Variants in USP3 observed in about 807,000 individuals in gnomAD.
USP3 encodes ubiquitin carboxyl-terminal hydrolase 3.
A neutral mutation model predicts 72.3 loss-of-function variants in USP3; 20 were observed. That is an observed-to-expected ratio of 0.28 (90% CI 0.19 to 0.40). The LOEUF is 0.40. Among genes scored for constraint, USP3 ranks in the 10% least tolerant of loss-of-function variants. USP3 has a pLI of 1.00. For synonymous variants in USP3, 222 were observed against 225.3 expected (o/e 0.99, Z 0.13); for missense variants, 479 against 633.9 (o/e 0.76, Z 2.62).
At chr15:63,580,819 C>T (rs1350408287) in intron 11 of USP3, among the ~76,000 whole-genome samples, 1 of 151,744 alleles carries the variant, frequency 6.6e-6, no homozygotes, top group Non-Finnish European at 1.5e-5. Context: ...AGCTAGTAGA[C>T]TCTTTTTGAG....
chr15:63,587,069 T>C (rs190308632), intron 11 of USP3, among the ~76,000 whole-genome samples: 2 of 152,296 alleles, frequency 1.3e-5, no homozygotes, highest in African/African-American at 4.8e-5. Flanking sequence ...AGAGCGCTTT[T>C]CTGTACACAG....
At chr15:63,578,386 C>T (rs1280690639) in intron 11 of USP3, among the ~76,000 whole-genome samples, 2 of 151,350 alleles carry the variant, frequency 1.3e-5, no homozygotes, top group East Asian at 3.9e-4. Flanking sequence ...GGGTGGATCA[C>T]GAGGTCAGGA....
At chr15:63,561,164 CT>C (rs2152673452) in intron 7 of USP3, among the ~76,000 whole-genome samples, 1 of 152,092 alleles carries the variant, frequency 6.6e-6, no homozygotes, top group Admixed American at 6.5e-5. Flanking sequence ...TTCAAGGAGG[CT>C]TTGCACTCTA....
At chr15:63,508,632 T>C (rs979862074) in intron 1 of USP3, among the ~76,000 whole-genome samples, 1 of 152,190 alleles carries the variant, frequency 6.6e-6, no homozygotes. Flanking sequence ...TTTTCAGAAG[T>C]TGGAGGCTTG....
At chr15:63,584,972 C>T (rs975509809) in intron 11 of USP3, among the ~76,000 whole-genome samples, 1 of 152,044 alleles carries the variant, frequency 6.6e-6, no homozygotes, top group South Asian at 2.1e-4. Context: ...CATGTTGATA[C>T]CTAGTTTCCC....
chr15:63,568,218 G>T (rs2066724606), intron 8 of USP3, among the ~76,000 whole-genome samples: 1 of 152,052 alleles, frequency 6.6e-6, no homozygotes, highest in Non-Finnish European at 1.5e-5. Flanking sequence ...TGGGCGTGGT[G>T]GCACGTGCCT....
intron 9 of USP3, among the ~76,000 whole-genome samples, chr15:63,571,708 C>T (rs542572753): frequency 2.0e-5 from 3 of 152,266 alleles, no homozygotes; most frequent in Non-Finnish European, 2.9e-5. Context: ...TGCCTGGGCA[C>T]CCTGTGGAAT....
intron 11 of USP3, among the ~76,000 whole-genome samples, chr15:63,582,339 A>G (rs1376082278): frequency 6.6e-6 from 1 of 151,974 alleles, no homozygotes; most frequent in African/African-American, 2.4e-5. Flanking sequence ...TCTTAGGGGA[A>G]CTCCCCAGGA....
intron 1 of USP3, among the ~76,000 whole-genome samples, chr15:63,520,852 C>T (rs970497601): frequency 6.6e-6 from 1 of 152,034 alleles, no homozygotes; most frequent in Non-Finnish European, 1.5e-5. Flanking sequence ...CATGAGCCAC[C>T]ATGCCTGGCC....
chr15:63,544,709 G>A lies in USP3; in HGVS notation c.284+7553G>A, dbSNP rs148119285. 1.0e-5 allele frequency: 7 copies of A among 702,026 alleles called. No individual in the cohort carries two copies. The highest frequency in any genetic ancestry group is 2.0e-5 in the Admixed American group (1 of 49,950). 43.5% of individuals were successfully genotyped at this position (702,026 alleles called of 1,614,324 possible). A position where few individuals can be genotyped will look rare whatever the true frequency, so the allele number is the denominator to read the frequency against. On this transcript the variant is annotated intron_variant, in intron 3 of 14. Transcript: ENST00000380324. This position sits in a 1 kb window ranked among gnomAD's most constrained non-coding sequence, Gnocchi z 4.2. ...TTGCCATTAAATAAGTGAATAGTGCGAAATGGAAAATACCGAGGGGTAAGA... is the reference window on the plus strand; with the variant it reads ...TTGCCATTAAATAAGTGAATAGTGCAAAATGGAAAATACCGAGGGGTAAGA...
chr15:63,585,445 T>C (rs1419750569), intron 11 of USP3, among the ~76,000 whole-genome samples: 2 of 152,180 alleles, frequency 1.3e-5, no homozygotes, highest in Non-Finnish European at 2.9e-5. Flanking sequence ...TATTCCTAAG[T>C]ACTTTATTCT....
At chr15:63,536,381 G>C (rs2066155424) in intron 2 of USP3, among the ~76,000 whole-genome samples, 1 of 151,578 alleles carries the variant, frequency 6.6e-6, no homozygotes, top group Non-Finnish European at 1.5e-5. Context: ...GGCCCTGTGG[G>C]AAGTGGCTGA....
Position 63,584,911 on chromosome 15 carries a change from GATCT to G in USP3, c.1097-3391_1097-3388del, listed in dbSNP as rs144398813. On this transcript the variant is annotated intron_variant, in intron 11 of 14. Transcript: ENST00000380324. ...TTTAAGACTTATGTTTAAGACCTTT[GATCT>G]ATTTAAATTTTTGTATATGGTGTAA... is the stretch of plus-strand genomic sequence containing the variant. Among the ~76,000 whole-genome samples the G allele has an allele frequency of 8.3e-3, 1,255 of 152,110 alleles. 10 individuals are homozygous for G. Among genetic ancestry groups the G allele is most frequent in the Non-Finnish European group, 0.014 (919 of 67,968 alleles).
chr15:63,565,422 T>C (rs1280178497), intron 8 of USP3, among the ~76,000 whole-genome samples: 1 of 152,256 alleles, frequency 6.6e-6, no homozygotes, highest in Non-Finnish European at 1.5e-5. Context: ...TTCAGCTCTT[T>C]CTATCCTTTT....
At chr15:63,578,315 G>A (rs189535188) in intron 11 of USP3, among the ~76,000 whole-genome samples, 7 of 151,870 alleles carry the variant, frequency 4.6e-5, no homozygotes, top group Admixed American at 2.0e-4. Flanking sequence ...GAATAGAAAT[G>A]TTAACTTGGC....
At chr15:63,534,937 T>TTTAC (rs199819848) in intron 2 of USP3, among the ~76,000 whole-genome samples, 4,927 of 151,752 alleles carry the variant, frequency 0.032, 106 homozygotes, top group Middle Eastern at 0.096. Flanking sequence ...TATTTATTTA[T>TTTAC]TTATTTACTT....
chr15:63,573,865 T>C (rs1284192403), intron 9 of USP3, among the ~76,000 whole-genome samples, 181 bp from the exon 10 acceptor site: 1 of 152,228 alleles, frequency 6.6e-6, no homozygotes, highest in African/African-American at 2.4e-5. Context: ...AAACCTTTTA[T>C]TTAGTATGTG....
rs191606099 is a variant in USP3, at chr15:63,533,996, A to G, written c.152+1289A>G. On this transcript the variant is annotated intron_variant, in intron 2 of 14. Coordinates refer to ENST00000380324, the MANE Select transcript of USP3 (RefSeq NM_006537.4). ...GTAGTGCTCTACAACCTAAATCTTG[A>G]TGGTCATGTGCCAATCAAAAGACCT... 23 of 480,272 alleles carry G rather than the reference A, an allele frequency of 4.8e-5. No homozygotes were observed. The East Asian group carries it at 2.5e-3, about 52-fold the overall frequency. 29.8% of individuals were successfully genotyped at this position (480,272 alleles called of 1,614,324 possible).
chr15:63,524,155 AT>A (rs1313090630), intron 1 of USP3, among the ~76,000 whole-genome samples: 1 of 152,242 alleles, frequency 6.6e-6, no homozygotes, highest in Non-Finnish European at 1.5e-5. Context: ...TTATTAAAAT[AT>A]TGATGTGATA....
Sources: gnomAD v4.1 joint callset for allele counts (sites outside exome capture counted in the v4.1 genomes callset) on GRCh38, gnomAD v4.1.1 for gene constraint, Gnocchi (gnomAD v3.1) non-coding constraint, MANE v1.5 for transcripts, NCBI Gene and HGNC (gene_info 2026-07-23, HGNC 2026-07-21) for gene names.